Variants in AJAP1 observed in about 807,000 individuals in gnomAD.
AJAP1 encodes the protein adherens junctions associated protein 1.
In AJAP1, 5 loss-of-function variants were observed where a neutral mutation model predicts 35.0. That is an observed-to-expected ratio of 0.14 (90% CI 0.07 to 0.30). AJAP1 has a LOEUF of 0.30. Ranked by LOEUF, AJAP1 falls within the 10% of genes least tolerant of loss-of-function variation. AJAP1 has a pLI of 1.00. For synonymous variants in AJAP1, 284 were observed against 249.3 expected, an observed-to-expected ratio of 1.14 and a Z score of -1.31; for missense variants, 586 against 571.0, an observed-to-expected ratio of 1.03 and a Z score of -0.27.
In AJAP1 at chr1:4,786,549, T is replaced by G. The variant is rs1642163942; in HGVS notation, c.*4064T>G. On this transcript the variant is annotated 3_prime_UTR_variant, in exon 6 of 6. Transcript: ENST00000378191. ...CTTAGAGGGATTGGTCTTCAAAATT[T>G]TGTGTGTGATGCCCAATGTGTAGGC... 1 of 152,294 alleles carries G rather than the reference T, an allele frequency of 6.6e-6. No homozygotes were observed. The highest frequency in any genetic ancestry group is 1.9e-4 in the East Asian group (1 of 5,184). The allele number at this position is 152,294 out of a possible 1,614,324, so 9.4% of individuals were successfully genotyped here.
At chr1:4,731,908 G>T (rs1298890834) in intron 2 of AJAP1, among the ~76,000 whole-genome samples, 4 of 152,212 alleles carry the variant, frequency 2.6e-5, no homozygotes, top group Admixed American at 1.3e-4. Flanking sequence ...GGCGTCACCT[G>T]TAGCCCTCTT....
At chr1:4,666,265 G>T (rs973434273) in intron 1 of AJAP1, among the ~76,000 whole-genome samples, 2 of 152,180 alleles carry the variant, frequency 1.3e-5, no homozygotes, top group African/African-American at 4.8e-5. Flanking sequence ...CCAGGAGGAG[G>T]GCAGGGCAGG....
intron 2 of AJAP1, among the ~76,000 whole-genome samples, chr1:4,737,481 GAGCCCCCCCGAGACGGA>G (rs1640955313): frequency 6.6e-6 from 1 of 151,994 alleles, no homozygotes; most frequent in Admixed American, 6.5e-5. Flanking sequence ...GCAGAGACGG[GAGCCCCCCCGAGACGGA>G]AGCCCCCCGA....
intron 2 of AJAP1, among the ~76,000 whole-genome samples, chr1:4,717,863 G>A (rs765037308): frequency 2.6e-5 from 4 of 152,218 alleles, no homozygotes; most frequent in Non-Finnish European, 4.4e-5. Flanking sequence ...AGCTGTGATG[G>A]CCATTTAAAT....
intron 1 of AJAP1, among the ~76,000 whole-genome samples, chr1:4,658,571 C>T (rs920540661): frequency 6.6e-6 from 1 of 152,222 alleles, no homozygotes; most frequent in South Asian, 2.1e-4. Flanking sequence ...CTAGTGTCAG[C>T]GGCTGTGCTA....
At chr1:4,726,429 CAG>C (rs1391673091) in intron 2 of AJAP1, among the ~76,000 whole-genome samples, 1 of 152,116 alleles carries the variant, frequency 6.6e-6, no homozygotes, top group Non-Finnish European at 1.5e-5. Context: ...GTGGGGTGAG[CAG>C]AGTCTGCTTC....
intron 1 of AJAP1, among the ~76,000 whole-genome samples, chr1:4,676,324 C>T (rs759396639): frequency 5.9e-5 from 9 of 152,074 alleles, no homozygotes; most frequent in South Asian, 2.1e-4. Context: ...AGTTTATTTA[C>T]GACAAATCAG....
chr1:4,730,742 G>C (rs563772883), intron 2 of AJAP1, among the ~76,000 whole-genome samples: 2 of 152,214 alleles, frequency 1.3e-5, no homozygotes, highest in African/African-American at 4.8e-5. Flanking sequence ...GCCCTGCCTG[G>C]GCCAGCATTT....
At chr1:4,772,649 G>C (rs1172090009) in intron 4 of AJAP1, 124 bp downstream of exon 4, 1 of 1,404,030 alleles carries the variant, frequency 7.1e-7, no homozygotes, top group Non-Finnish European at 9.6e-7. Context: ...TCGCTTTGAG[G>C]GGCCCAGCCA....
chr1:4,762,477 G>A (rs1471233207), intron 2 of AJAP1, among the ~76,000 whole-genome samples: 3 of 152,236 alleles, frequency 2.0e-5, no homozygotes, highest in Non-Finnish European at 4.4e-5. Context: ...GCAGAGCCCA[G>A]CACAAACTCT....
intron 1 of AJAP1, among the ~76,000 whole-genome samples, chr1:4,681,347 A>G (rs1053365154): frequency 1.3e-5 from 2 of 152,220 alleles, no homozygotes; most frequent in Non-Finnish European, 2.9e-5. Context: ...CCCCTTCGCC[A>G]GCCCCAGGCC....
intron 1 of AJAP1, among the ~76,000 whole-genome samples, chr1:4,705,686 C>T (rs1371857344): frequency 1.3e-5 from 2 of 152,040 alleles, no homozygotes; most frequent in Admixed American, 1.3e-4. Context: ...GGACACACTT[C>T]AGACCAATCA....
chr1:4,705,930 T>C (rs1256303844), intron 1 of AJAP1, among the ~76,000 whole-genome samples: 1 of 152,168 alleles, frequency 6.6e-6, no homozygotes, highest in East Asian at 1.9e-4. Context: ...TTATGCACCA[T>C]GACGCTGTGG....
At chr1:4,691,978 G>A (rs545066690) in intron 1 of AJAP1, among the ~76,000 whole-genome samples, 17 of 151,764 alleles carry the variant, frequency 1.1e-4, no homozygotes, top group South Asian at 2.1e-4. Context: ...TAGGTCAGAC[G>A]TGGGGTGGGG....
chr1:4,655,676 G>A lies in AJAP1; in HGVS notation c.29+222G>A, dbSNP rs1481057831. Among the ~76,000 whole-genome samples, 1 of 151,268 alleles carries A rather than the reference G, an allele frequency of 6.6e-6. No individual in the cohort carries two copies. Reference sequence around the variant, plus strand: ...GGGTCTCCAGGGTTCCGCGCGTCCGGGGTCGGGGCAGCGGCGCCCGCCCCA... The same window carrying A: ...GGGTCTCCAGGGTTCCGCGCGTCCGAGGTCGGGGCAGCGGCGCCCGCCCCA... On this transcript the variant is annotated intron_variant, in intron 1 of 5. Coordinates refer to ENST00000378191, the MANE Select transcript of AJAP1 (RefSeq NM_018836.4). This position sits in a 1 kb window ranked among gnomAD's most constrained non-coding sequence, Gnocchi z 6.9.
At chr1:4,689,402 G>A (rs1468871847) in intron 1 of AJAP1, among the ~76,000 whole-genome samples, 3 of 152,210 alleles carry the variant, frequency 2.0e-5, no homozygotes, top group Admixed American at 6.5e-5. Flanking sequence ...GCCCACCCAC[G>A]AGGAGGCGGA....
chr1:4,695,101 G>A (rs1161883561), intron 1 of AJAP1, among the ~76,000 whole-genome samples: 1 of 152,184 alleles, frequency 6.6e-6, no homozygotes. Context: ...CACAACTTGG[G>A]AGAGGGTGCT....
intron 2 of AJAP1, among the ~76,000 whole-genome samples, chr1:4,742,569 G>T (rs1349287637): frequency 1.3e-5 from 2 of 151,944 alleles, no homozygotes; most frequent in Non-Finnish European, 2.9e-5. Flanking sequence ...AAGGTCTAAG[G>T]GTGTCTTTGT....
chr1:4,709,271 G>A (rs182706427), intron 1 of AJAP1, among the ~76,000 whole-genome samples: 2,313 of 150,204 alleles, frequency 0.015, 59 homozygotes, highest in African/African-American at 0.053. Flanking sequence ...GATGGGGGCC[G>A]GTGGGGCCTG....
Sources: allele counts gnomAD v4.1 joint callset (sites outside exome capture counted in the v4.1 genomes callset), GRCh38; gene constraint gnomAD v4.1.1; non-coding constraint Gnocchi (gnomAD v3.1); transcripts MANE v1.5; gene names NCBI Gene and HGNC (gene_info 2026-07-23, HGNC 2026-07-21).